Variants in PCDH11Y observed in about 807,000 individuals in gnomAD.
PCDH11Y encodes the protein protocadherin-11 Y-linked.
For missense variants in PCDH11Y, 12 were observed against 224.8 expected (o/e 0.05, Z 6.05); for synonymous variants, 9 against 83.6 (o/e 0.11, Z 4.87).
intron 2 of PCDH11Y, among the ~76,000 whole-genome samples, chrY:5,325,795 G>A (rs2053119020): frequency 3.0e-5 from 1 of 32,788 alleles, no homozygotes; most frequent in Admixed American, 2.8e-4. Flanking sequence ...TAGTAGGGAT[G>A]ACAAGTTTTT....
At chrY:5,625,823 GTT>G (rs1220087252) in intron 4 of PCDH11Y, among the ~76,000 whole-genome samples, 2 of 11,836 alleles carry the variant, frequency 1.7e-4, no homozygotes, top group African/African-American at 5.9e-4. Context: ...CAGTTTGCTA[GTT>G]TTTTTTTTTT....
intron 2 of PCDH11Y, among the ~76,000 whole-genome samples, chrY:5,352,607 G>C: frequency 6.0e-5 from 2 of 33,571 alleles, no homozygotes; most frequent in Non-Finnish European, 1.5e-4. Context: ...CTCAGAAGCA[G>C]ACATTTTGGT....
intron 2 of PCDH11Y, among the ~76,000 whole-genome samples, chrY:5,322,588 C>T: frequency 3.1e-5 from 1 of 31,890 alleles, no homozygotes; most frequent in African/African-American, 1.2e-4. Context: ...ATGTGGAACC[C>T]GTGGATACAA....
chrY:5,423,861 A>C, intron 2 of PCDH11Y, among the ~76,000 whole-genome samples: 1 of 33,248 alleles, frequency 3.0e-5, no homozygotes, highest in Non-Finnish European at 7.4e-5. Context: ...CTGGAGATGG[A>C]TGGTGATGAC....
exon 5 of PCDH11Y, chrY:5,741,423 A>G (rs2053617354): frequency 3.1e-5 from 1 of 32,237 alleles, no homozygotes; most frequent in African/African-American, 1.2e-4. Context: ...TTTTCATGGT[A>G]TTACTGAAGG....
At chrY:5,445,690 A>G in intron 2 of PCDH11Y, among the ~76,000 whole-genome samples, 1 of 32,576 alleles carries the variant, frequency 3.1e-5, no homozygotes, top group African/African-American at 1.2e-4. Flanking sequence ...TTCGTTGGGA[A>G]AAAATATGAA....
chrY:5,312,185 C>A, intron 2 of PCDH11Y, among the ~76,000 whole-genome samples: 1 of 32,845 alleles, frequency 3.0e-5, no homozygotes, highest in Non-Finnish European at 7.4e-5. Context: ...GCTCACTCAA[C>A]CTGTTTTGGG....
At chrY:5,550,243 CA>C in intron 3 of PCDH11Y, among the ~76,000 whole-genome samples, 1 of 32,726 alleles carries the variant, frequency 3.1e-5, no homozygotes, top group Non-Finnish European at 7.6e-5. Flanking sequence ...TCATGTATCC[CA>C]TAAATATATA....
At chrY:5,377,531 T>C in intron 2 of PCDH11Y, among the ~76,000 whole-genome samples, 1 of 33,318 alleles carries the variant, frequency 3.0e-5, no homozygotes, top group African/African-American at 1.2e-4. Context: ...GTTTCAAGAG[T>C]CTTTGCTTAT....
chrY:5,188,760 C>G, intron 2 of PCDH11Y, among the ~76,000 whole-genome samples: 1 of 33,119 alleles, frequency 3.0e-5, no homozygotes, highest in Non-Finnish European at 7.5e-5. Context: ...GCAAATTTAA[C>G]CAAGGGAGAT....
At chrY:5,349,647 A>T (rs1263309502) in intron 2 of PCDH11Y, among the ~76,000 whole-genome samples, 2 of 33,898 alleles carry the variant, frequency 5.9e-5, no homozygotes, top group Non-Finnish European at 1.5e-4. Context: ...AACAAATGCA[A>T]TTTAATATTG....
intron 3 of PCDH11Y, among the ~76,000 whole-genome samples, chrY:5,040,005 G>C: frequency 3.2e-5 from 1 of 31,351 alleles, no homozygotes; most frequent in African/African-American, 1.3e-4. Context: ...GCCGGGCATG[G>C]TGGCACACGC....
At chrY:5,266,120 T>G (rs2124658758) in intron 2 of PCDH11Y, among the ~76,000 whole-genome samples, 1 of 33,055 alleles carries the variant, frequency 3.0e-5, no homozygotes, top group African/African-American at 1.2e-4. Flanking sequence ...GGTAGTTAGA[T>G]CAGAAAAGAA....
At chrY:5,258,213 C>T in intron 2 of PCDH11Y, among the ~76,000 whole-genome samples, 1 of 30,274 alleles carries the variant, frequency 3.3e-5, no homozygotes, top group African/African-American at 1.3e-4. Context: ...CTCAGTTTGC[C>T]TAAAAGTTTG....
At chrY:5,104,538 C>G, downstream of PCDH11Y, 1 of 327,935 alleles carries the variant, frequency 3.0e-6, no homozygotes, top group Non-Finnish European at 4.1e-6. Context: ...CCTAGTGAAC[C>G]TTGTGCTTTC....
At chrY:5,432,140 G>C in intron 2 of PCDH11Y, among the ~76,000 whole-genome samples, 1 of 32,531 alleles carries the variant, frequency 3.1e-5, no homozygotes, top group Non-Finnish European at 7.5e-5. Context: ...AAAAATGTAA[G>C]ATTATCATTT....
intron 2 of PCDH11Y, among the ~76,000 whole-genome samples, chrY:5,372,265 A>G: frequency 9.1e-5 from 3 of 32,917 alleles, no homozygotes; most frequent in African/African-American, 2.4e-4. Flanking sequence ...AGATTTTTTA[A>G]AAAAACTTTT....
At chrY:5,588,322 G>T in intron 4 of PCDH11Y, among the ~76,000 whole-genome samples, 1 of 32,029 alleles carries the variant, frequency 3.1e-5, no homozygotes, top group Non-Finnish European at 7.7e-5. Flanking sequence ...ATTTTTTATT[G>T]GTTCCTGTTT....
At chrY:5,135,635 C>T in intron 2 of PCDH11Y, among the ~76,000 whole-genome samples, 1 of 32,970 alleles carries the variant, frequency 3.0e-5, no homozygotes, top group East Asian at 8.2e-4. Flanking sequence ...CAAGCCCTCC[C>T]CAAGGAGAGT....
Sources: allele counts gnomAD v4.1 joint callset (sites outside exome capture counted in the v4.1 genomes callset), GRCh38; gene constraint gnomAD v4.1.1; transcripts MANE v1.5; gene names NCBI Gene and HGNC (gene_info 2026-07-23, HGNC 2026-07-21).